Variants in PARP16 observed in about 807,000 individuals in gnomAD.
PARP16 encodes protein mono-ADP-ribosyltransferase PARP16.
Under a neutral mutation model 35.0 loss-of-function variants are expected in PARP16, and 31 were observed. The ratio of observed to expected loss-of-function variants is 0.88; its 90% CI spans 0.66 to 1.19. The LOEUF (loss-of-function observed/expected upper bound fraction) is 1.19. Among genes scored for constraint, PARP16 ranks in the 50% most tolerant of loss-of-function variants. The pLI, the probability that PARP16 is intolerant of heterozygous loss-of-function variation, is 0.00. For missense variants in PARP16, 424 were observed against 411.2 expected, an observed-to-expected ratio of 1.03 and a Z score of -0.27; for synonymous variants, 162 against 169.5, an observed-to-expected ratio of 0.96 and a Z score of 0.34.
At position 65,286,140 on chromosome 15, in the gene PARP16, A is replaced by T. The variant is rs1427736159; in HGVS notation, c.174+113T>A. The T allele has an allele frequency of 4.6e-6, 4 of 875,392 alleles. No homozygotes were observed. In the African/African-American group the frequency reaches 7.1e-5, roughly 16 times the overall value. 54.2% of individuals were successfully genotyped at this position (875,392 alleles called of 1,614,324 possible). On this transcript the variant is annotated intron_variant, in intron 1 of 5. Coordinates refer to ENST00000649807, the MANE Select transcript of PARP16 (RefSeq NM_001316943.2). ...CAAGGCAAGACCAAGCTGGGAATGG[A>T]AAGTCTGGCGGCTGTCATGTTTACT...
intron 2 of PARP16, among the ~76,000 whole-genome samples, chr15:65,249,434 G>A (rs1033300524): frequency 2.0e-5 from 3 of 152,236 alleles, no homozygotes; most frequent in Non-Finnish European, 4.4e-5. Flanking sequence ...TGAGGCTGAG[G>A]TGCCCAGTGC....
intron 1 of PARP16, among the ~76,000 whole-genome samples, chr15:65,272,287 A>G (rs190882606): frequency 2.0e-5 from 3 of 152,332 alleles, no homozygotes; most frequent in Non-Finnish European, 4.4e-5. Flanking sequence ...GACTCAGCCT[A>G]GTTGTCATTG....
At chr15:65,264,327 T>C (rs2089826691) in intron 3 of PARP16, among the ~76,000 whole-genome samples, 1 of 152,230 alleles carries the variant, frequency 6.6e-6, no homozygotes, top group African/African-American at 2.4e-5. Context: ...CAACTTAACA[T>C]TCCAGGTAGC....
chr15:65,275,496 G>A (rs189105434), intron 1 of PARP16, among the ~76,000 whole-genome samples: 1 of 152,266 alleles, frequency 6.6e-6, no homozygotes, highest in East Asian at 1.9e-4. Context: ...AGTTAAACAA[G>A]TGCTCAAACC....
rs34811236 is a variant in PARP16 at position 65,240,323 on chromosome 15, A to AGTGTGTGTGTGTGT, written c.*98-5514_*98-5501dup. ...GTGTGTGTGTGTGGTGGGGGGGGCT[A>AGTGTGTGTGTGTGT]GTGTGTGTGTGTGTGTGTGTGTGTG... is the stretch of plus-strand genomic sequence containing the variant. On this transcript the variant is annotated intron_variant and NMD_transcript_variant, in intron 3 of 3. Coordinates refer to the PARP16 transcript ENST00000559805. Among the ~76,000 whole-genome samples the AGTGTGTGTGTGTGT allele has an allele frequency of 6.5e-3, 821 of 126,084 alleles. 12 individuals are homozygous for AGTGTGTGTGTGTGT. The highest frequency in any genetic ancestry group is 0.02 in the African/African-American group (645 of 32,020). 82.7% of individuals were successfully genotyped at this position (126,084 alleles called of 152,430 possible). A position where few individuals can be genotyped will look rare whatever the true frequency, so the allele number is the denominator to read the frequency against.
intron 1 of PARP16, among the ~76,000 whole-genome samples, chr15:65,285,085 C>T (rs1163992856): frequency 1.3e-5 from 2 of 151,184 alleles, no homozygotes; most frequent in Non-Finnish European, 2.9e-5. Context: ...CAGCCTTTTT[C>T]TTCTTTTTCT....
At chr15:65,266,885 G>GT (rs2089911090) in intron 2 of PARP16, 117 bp from the exon 3 acceptor site, 1 of 711,994 alleles carries the variant, frequency 1.4e-6, no homozygotes, top group Middle Eastern at 3.6e-4. Context: ...AGAACAACAG[G>GT]TTTCATGAGG....
intron 2 of PARP16, among the ~76,000 whole-genome samples, chr15:65,250,845 G>A (rs942322389): frequency 3.3e-5 from 5 of 152,098 alleles, no homozygotes; most frequent in Admixed American, 2.0e-4. Flanking sequence ...ACACAGTGGC[G>A]CGCGTGTGTG....
At chr15:65,246,261 G>T (rs543697431) in intron 3 of PARP16, among the ~76,000 whole-genome samples, 2 of 152,058 alleles carry the variant, frequency 1.3e-5, no homozygotes, top group Non-Finnish European at 2.9e-5. Flanking sequence ...AGGCTCTAGG[G>T]GATTCCCGAG....
chr15:65,281,206 G>T (rs1197654499), intron 1 of PARP16, among the ~76,000 whole-genome samples: 2 of 152,190 alleles, frequency 1.3e-5, no homozygotes, highest in African/African-American at 2.4e-5. Flanking sequence ...CCTGAAGTTC[G>T]GAGGCCAATG....
chr15:65,259,054 C>A lies in PARP16; in HGVS notation c.*353G>T. On this transcript the variant is annotated 3_prime_UTR_variant, in exon 6 of 6. Coordinates refer to ENST00000649807, the MANE Select transcript of PARP16 (RefSeq NM_001316943.2). ...CATTAGAGAAAGGGCCAACCTCTGCCAGGAGAGATTGTAAACACACCACTG... is the reference window on the plus strand; with the variant it reads ...CATTAGAGAAAGGGCCAACCTCTGCAAGGAGAGATTGTAAACACACCACTG... 5.6e-6 allele frequency: 1 copy of A among 177,152 alleles called. No homozygotes were observed. The highest frequency in any genetic ancestry group is 1.2e-5 in the Non-Finnish European group (1 of 83,710). The allele number at this position is 177,152 out of a possible 1,614,324, so 11.0% of individuals were successfully genotyped here.
chr15:65,273,027 C>T (rs980014834), intron 1 of PARP16, among the ~76,000 whole-genome samples: 2 of 152,022 alleles, frequency 1.3e-5, no homozygotes, highest in African/African-American at 4.8e-5. Flanking sequence ...CACCTGTAAT[C>T]CCAGCACTTT....
intron 3 of PARP16, among the ~76,000 whole-genome samples, chr15:65,264,861 T>C (rs1451170383): frequency 1.3e-5 from 2 of 152,218 alleles, no homozygotes; most frequent in African/African-American, 4.8e-5. Context: ...AGGATTGATG[T>C]GCTTTACCAA....
chr15:65,250,135 T>TTTGCCC (rs2089320495), intron 2 of PARP16, among the ~76,000 whole-genome samples: 1 of 120,820 alleles, frequency 8.3e-6, no homozygotes, highest in African/African-American at 2.8e-5. Flanking sequence ...TTTTTTTTTT[T>TTTGCCC]GAGACAGAGT....
At chr15:65,252,930 A>G (rs1392280879) in intron 2 of PARP16, among the ~76,000 whole-genome samples, 1 of 152,150 alleles carries the variant, frequency 6.6e-6, no homozygotes, top group African/African-American at 2.4e-5. Context: ...GGAGTTTGAG[A>G]CCAGCCTGGC....
chr15:65,261,113 G>T, intron 4 of PARP16, 87 bp from the exon 5 acceptor site: 2 of 1,293,856 alleles, frequency 1.5e-6, no homozygotes, highest in Non-Finnish European at 2.2e-6. Flanking sequence ...AAGCCTCCTG[G>T]TGCTGAGGGG....
downstream of PARP16, among the ~76,000 whole-genome samples, chr15:65,257,897 T>C (rs145376772): frequency 6.6e-6 from 1 of 152,300 alleles, no homozygotes; most frequent in Non-Finnish European, 1.5e-5. Flanking sequence ...GTATTCCTAG[T>C]GCCTGGCATA....
rs1377754363 is a variant in PARP16 at position 65,236,941 on chromosome 15, T to C, written c.*98-2118A>G. ...GAGCCGAGATTGCACCACTGCACTC[T>C]AGCCTGGGCGACAGAGCAAGACTCT... On this transcript the variant is annotated intron_variant and NMD_transcript_variant, in intron 3 of 3. Transcript: ENST00000559805. 1.0e-3 allele frequency among the ~76,000 whole-genome samples: 137 copies of C among 131,282 alleles called. 2 individuals carry two copies. The Admixed American group carries it at 0.012, about 12-fold the overall frequency. 86.1% of individuals were successfully genotyped at this position (131,282 alleles called of 152,430 possible).
At chr15:65,249,867 C>T (rs1026835433) in intron 2 of PARP16, among the ~76,000 whole-genome samples, 2 of 152,190 alleles carry the variant, frequency 1.3e-5, no homozygotes, top group African/African-American at 2.4e-5. Flanking sequence ...GGGAAGGTTA[C>T]AGGAGATGAG....
Sources: allele counts gnomAD v4.1 joint callset (sites outside exome capture counted in the v4.1 genomes callset), GRCh38; gene constraint gnomAD v4.1.1; transcripts MANE v1.5; gene names NCBI Gene and HGNC (gene_info 2026-07-23, HGNC 2026-07-21).